Variants in RUNDC3B observed in about 807,000 individuals in gnomAD.
RUNDC3B encodes the protein RUN domain containing 3B, also known as RUN domain-containing protein 3B.
In RUNDC3B, 33 loss-of-function variants were observed where a neutral mutation model predicts 58.4. That is an observed-to-expected ratio of 0.56 (90% confidence interval 0.43 to 0.75). RUNDC3B has a LOEUF of 0.75. RUNDC3B is among the 30% of genes least tolerant of loss of function. The pLI, the probability that RUNDC3B is intolerant of heterozygous loss-of-function variation, is 0.00. For synonymous variants in RUNDC3B, 193 were observed against 195.2 expected (o/e 0.99, Z 0.10); for missense variants, 501 against 535.7 (o/e 0.94, Z 0.64).
chr7:87,654,826 C>A (rs1823924706), intron 2 of RUNDC3B, among the ~76,000 whole-genome samples: 1 of 151,824 alleles, frequency 6.6e-6, no homozygotes. Context: ...GGCTAATTTC[C>A]AAAATATATG....
intron 8 of RUNDC3B, among the ~76,000 whole-genome samples, chr7:87,786,530 A>C (rs1334636761): frequency 6.6e-6 from 1 of 152,016 alleles, no homozygotes; most frequent in Non-Finnish European, 1.5e-5. Context: ...GAAAAATATC[A>C]AGAGCCAAAC....
intron 8 of RUNDC3B, among the ~76,000 whole-genome samples, chr7:87,796,303 G>A (rs1204261759): frequency 1.3e-5 from 2 of 152,088 alleles, no homozygotes; most frequent in African/African-American, 4.8e-5. Context: ...GTTTATCAGA[G>A]CCTGGGAAGA....
intron 8 of RUNDC3B, among the ~76,000 whole-genome samples, chr7:87,778,916 A>G (rs539531561): frequency 6.6e-4 from 101 of 152,324 alleles, no homozygotes; most frequent in Non-Finnish European, 1.4e-3. Flanking sequence ...TCAAACTTTC[A>G]GAAAAATTAT....
At chr7:87,755,223 A>G (rs1408886573) in intron 6 of RUNDC3B, among the ~76,000 whole-genome samples, 1 of 151,970 alleles carries the variant, frequency 6.6e-6, no homozygotes, top group Non-Finnish European at 1.5e-5. Flanking sequence ...GGGTTTCATC[A>G]TGTTGGCCAG....
chr7:87,727,117 A>G (rs1035656644), intron 4 of RUNDC3B, among the ~76,000 whole-genome samples: 2 of 152,198 alleles, frequency 1.3e-5, no homozygotes, highest in Non-Finnish European at 2.9e-5. Context: ...AGAAATCCCA[A>G]CACTATGTTG....
At chr7:87,819,136 C>T (rs972545816) in intron 10 of RUNDC3B, among the ~76,000 whole-genome samples, 7 of 152,144 alleles carry the variant, frequency 4.6e-5, no homozygotes, top group African/African-American at 1.7e-4. Context: ...GTCCTGTAAA[C>T]AGTTGTGACT....
chr7:87,704,600 T>A (rs1829426686), intron 3 of RUNDC3B, among the ~76,000 whole-genome samples: 1 of 152,210 alleles, frequency 6.6e-6, no homozygotes, highest in African/African-American at 2.4e-5. Flanking sequence ...AGCAATATGT[T>A]ATCTAGCAGA....
intron 2 of RUNDC3B, among the ~76,000 whole-genome samples, chr7:87,698,070 G>A (rs1186451903): frequency 6.6e-6 from 1 of 152,172 alleles, no homozygotes; most frequent in Non-Finnish European, 1.5e-5. Flanking sequence ...ATTTCTATTT[G>A]TAAGTAGCAA....
At chr7:87,807,216 A>G (rs1240214181) in intron 8 of RUNDC3B, among the ~76,000 whole-genome samples, 157 bp from the exon 9 acceptor site, 2 of 152,166 alleles carry the variant, frequency 1.3e-5, no homozygotes, top group Non-Finnish European at 2.9e-5. Flanking sequence ...AGAAAGAACA[A>G]TCATTGTCCC....
rs1554501579 is a variant in RUNDC3B, at chr7:87,831,304, A to G, written c.*1274A>G. On this transcript the variant is annotated 3_prime_UTR_variant, in exon 11 of 11. Coordinates refer to ENST00000394654, the MANE Select transcript of RUNDC3B (RefSeq NM_001134405.2). ...ACTTCATATGGTTTTTTTGTTTATT[A>G]TTATTGAGAAAAGAGCTGAGGTTAC... 6.6e-6 allele frequency: 1 copy of G among 151,462 alleles called. No individual in the cohort carries two copies. Among genetic ancestry groups the G allele is most frequent in the Non-Finnish European group, 1.5e-5 (1 of 67,834 alleles). The allele number at this position is 151,462 out of a possible 1,614,324, so 9.4% of individuals were successfully genotyped here. A position where few individuals can be genotyped will look rare whatever the true frequency, so the allele number is the denominator to read the frequency against.
intron 2 of RUNDC3B, among the ~76,000 whole-genome samples, chr7:87,663,018 G>A (rs1451890781): frequency 6.6e-6 from 1 of 151,870 alleles, no homozygotes; most frequent in Non-Finnish European, 1.5e-5. Context: ...ATAAATAATA[G>A]TACTTGATTT....
intron 4 of RUNDC3B, among the ~76,000 whole-genome samples, chr7:87,738,220 G>A (rs1044465848): frequency 2.0e-5 from 3 of 151,834 alleles, no homozygotes; most frequent in Non-Finnish European, 4.4e-5. Flanking sequence ...TTCTTCCAGG[G>A]GTTAATAATA....
chr7:87,657,068 T>C (rs1165389732), intron 2 of RUNDC3B, among the ~76,000 whole-genome samples: 1 of 152,028 alleles, frequency 6.6e-6, no homozygotes, highest in African/African-American at 2.4e-5. Context: ...TTCCCCTATT[T>C]CTCTCACTAA....
intron 4 of RUNDC3B, among the ~76,000 whole-genome samples, chr7:87,733,648 C>T (rs1171313857): frequency 6.6e-6 from 1 of 152,118 alleles, no homozygotes; most frequent in Non-Finnish European, 1.5e-5. Context: ...GGAATGGTTT[C>T]AGGATGAAAC....
chr7:87,655,143 A>G (rs1278027222), intron 2 of RUNDC3B, among the ~76,000 whole-genome samples: 1 of 152,118 alleles, frequency 6.6e-6, no homozygotes, highest in Non-Finnish European at 1.5e-5. Flanking sequence ...TTAAAAATAG[A>G]ACTGCCATTA....
intron 6 of RUNDC3B, among the ~76,000 whole-genome samples, chr7:87,742,619 G>GATAT (rs1554481558): frequency 1.3e-5 from 2 of 149,392 alleles, no homozygotes; most frequent in East Asian, 1.9e-4. Flanking sequence ...TAGATAGATA[G>GATAT]ATATCATGGT....
At chr7:87,734,564 A>G (rs1482112874) in intron 4 of RUNDC3B, among the ~76,000 whole-genome samples, 1 of 152,094 alleles carries the variant, frequency 6.6e-6, no homozygotes, top group African/African-American at 2.4e-5. Flanking sequence ...TTCTCCATTG[A>G]ACCTATAATT....
intron 6 of RUNDC3B, among the ~76,000 whole-genome samples, chr7:87,747,759 G>A (rs1832729677): frequency 6.6e-6 from 1 of 152,112 alleles, no homozygotes; most frequent in South Asian, 2.1e-4. Context: ...TGTCAGGGAA[G>A]TGGGGGAAAG....
At chr7:87,696,902 A>T (rs1373069023) in intron 2 of RUNDC3B, among the ~76,000 whole-genome samples, 1 of 152,124 alleles carries the variant, frequency 6.6e-6, no homozygotes, top group East Asian at 1.9e-4. Flanking sequence ...AGTTCCAAGG[A>T]TTTAGTGCCC....
Sources: allele counts gnomAD v4.1 joint callset (sites outside exome capture counted in the v4.1 genomes callset), GRCh38; gene constraint gnomAD v4.1.1; transcripts MANE v1.5; gene names NCBI Gene and HGNC (gene_info 2026-07-23, HGNC 2026-07-21).